The following PLEKHG4B variants were observed in gnomAD, a reference collection of about 807,000 sequenced individuals.
PLEKHG4B encodes the protein pleckstrin homology domain-containing family G member 4B.
In PLEKHG4B, 111 loss-of-function variants were observed where a neutral mutation model predicts 121.3. The ratio of observed to expected loss-of-function variants is 0.92; its 90% confidence interval spans 0.78 to 1.07. The LOEUF is 1.07. PLEKHG4B is among the 50% of genes least tolerant of loss of function. The pLI is 0.00. For synonymous variants in PLEKHG4B, 738 were observed against 725.0 expected (o/e 1.02, Z -0.29); for missense variants, 1,831 against 1,757.8 (o/e 1.04, Z -0.74).
Position 163,011 on chromosome 5 carries a change from C to T in PLEKHG4B, c.2939C>T (p.Ala980Val). 6.4e-7 allele frequency: 1 copy of T among 1,564,684 alleles called. No individual in the cohort carries two copies. Among genetic ancestry groups the T allele is most frequent in the Non-Finnish European group, 8.7e-7 (1 of 1,154,624 alleles). ...CAGAGCCCCCCAAAGCATGAGCGTG[C>T]CCAGGAGGCCATGAGGAGGCACCAG... ...LAQSPPKHER[A>V]QEAMRRHQKP... The change falls in exon 13 of 20, where the codon GCC becomes GTC. Residue 980 changes from alanine (A) to valine (V), a missense_variant. By Grantham distance (64) the Ala-to-Val change is moderately conservative. Coordinates refer to ENST00000637938, the MANE Select transcript of PLEKHG4B (RefSeq NM_052909.5).
At chr5:147,151 A>C (rs909344191) in intron 6 of PLEKHG4B, among the ~76,000 whole-genome samples, 1 of 152,210 alleles carries the variant, frequency 6.6e-6, no homozygotes, top group Non-Finnish European at 1.5e-5. Flanking sequence ...GGGAGGAGAG[A>C]GCACAGGCCG....
Position 139,965 on chromosome 5 carries a change from C to T in PLEKHG4B, c.726C>T (p.Ser242=), listed in dbSNP as rs1735102954. ...CAGCAGGCCCCCATTTCCAGGGAAG[C>T]GCCTCTTGCCCCGACACCCTGACCT... ...QATAGPHFQG[S]ASCPDTLTSP... Residue 242 remains serine (S), a synonymous_variant, in exon 3 of 20, where the codon AGC becomes AGT. Transcript: ENST00000637938. The surrounding 1 kb of genome is among the most constrained non-coding windows in gnomAD (Gnocchi z 5.0). The T allele has an allele frequency of 2.2e-5, 9 of 407,506 alleles. No individual in the cohort carries two copies. The highest frequency in any genetic ancestry group is 3.5e-5 in the Non-Finnish European group (8 of 231,300). 25.2% of individuals were successfully genotyped at this position (407,506 alleles called of 1,614,324 possible).
At chr5:110,094 G>A (rs1734095846) in intron 1 of PLEKHG4B, among the ~76,000 whole-genome samples, 2 of 128,368 alleles carry the variant, frequency 1.6e-5, no homozygotes, top group African/African-American at 6.1e-5. Flanking sequence ...GCACACACCT[G>A]TACAATCTGC....
intron 13 of PLEKHG4B, among the ~76,000 whole-genome samples, chr5:164,768 G>GA: frequency 8.0e-6 from 1 of 124,440 alleles, no homozygotes; most frequent in African/African-American, 3.3e-5. Context: ...CCTCTGACGG[G>GA]GCGGAGCTCA....
At chr5:168,390 A>AC (rs754883049) in intron 13 of PLEKHG4B, among the ~76,000 whole-genome samples, 46 of 152,192 alleles carry the variant, frequency 3.0e-4, no homozygotes, top group African/African-American at 1.1e-3. Flanking sequence ...GCCCCCGAGT[A>AC]CCCCTGAAGC....
chr5:161,271 C>G (rs1235931802), intron 11 of PLEKHG4B, among the ~76,000 whole-genome samples: 2 of 152,384 alleles, frequency 1.3e-5, no homozygotes, highest in South Asian at 2.1e-4. Context: ...CAAGCAGCCA[C>G]TGGCCTGAAG....
At chr5:148,358 T>A (rs247070) in intron 6 of PLEKHG4B, among the ~76,000 whole-genome samples, 107,747 of 140,548 alleles carry the variant, frequency 0.77, 41,330 homozygotes, top group South Asian at 0.85. Flanking sequence ...AAAAAAAAAA[T>A]AAATAAAAAT....
chr5:103,051 C>A (rs1393503147), intron 1 of PLEKHG4B, among the ~76,000 whole-genome samples: 1 of 152,208 alleles, frequency 6.6e-6, no homozygotes, highest in East Asian at 1.9e-4. Context: ...TCTGTTCCCT[C>A]CCTGGGCCCG....
At chr5:154,403 G>T (rs1735699437) in intron 7 of PLEKHG4B, among the ~76,000 whole-genome samples, 1 of 152,156 alleles carries the variant, frequency 6.6e-6, no homozygotes, top group African/African-American at 2.4e-5. Context: ...CACGCGGGCA[G>T]CGGCCCTGAG....
At chr5:168,276 G>GGGGCTGA (rs1736417970) in intron 13 of PLEKHG4B, among the ~76,000 whole-genome samples, 1 of 152,218 alleles carries the variant, frequency 6.6e-6, no homozygotes. Context: ...CCCCAGCCAA[G>GGGGCTGA]GGTGGGGCTG....
chr5:150,425 A>G (rs1451934964), intron 6 of PLEKHG4B, among the ~76,000 whole-genome samples: 1 of 152,184 alleles, frequency 6.6e-6, no homozygotes, highest in African/African-American at 2.4e-5. Context: ...TATGGAGACG[A>G]ATGGTGGTGG....
intron 2 of PLEKHG4B, among the ~76,000 whole-genome samples, chr5:115,539 C>A (rs1734279734): frequency 6.6e-6 from 1 of 152,144 alleles, no homozygotes; most frequent in Admixed American, 6.5e-5. Flanking sequence ...TAGGAAAGTC[C>A]CAGACAGCAT....
rs775949919 is a variant in PLEKHG4B at position 173,021 on chromosome 5, A to G, written c.4175A>G (p.Lys1392Arg). The change falls in exon 17 of 20, where the codon AAG becomes AGG. Residue 1392 changes from lysine to arginine, a missense_variant. Physicochemically the swap from Lys to Arg is conservative, Grantham distance 26. Coordinates refer to ENST00000637938, the MANE Select transcript of PLEKHG4B (RefSeq NM_052909.5). ...CTCATCCTGTTTAGCAAGACCCAGA[A>G]GGTGGAGGGCAGCCACGACGTCTAC... Reference protein sequence around the residue: ...EDLILFSKTQKVEGSHDVYLY... With the variant: ...EDLILFSKTQRVEGSHDVYLY... 6.2e-7 allele frequency: 1 copy of G among 1,613,996 alleles called. No homozygotes were observed. Among genetic ancestry groups the G allele is most frequent in the African/African-American group, 1.3e-5 (1 of 74,906 alleles).
chr5:167,183 G>C (rs559878094), intron 13 of PLEKHG4B, among the ~76,000 whole-genome samples: 49 of 152,310 alleles, frequency 3.2e-4, no homozygotes, highest in African/African-American at 1.2e-3. Context: ...GGAGGCTTTT[G>C]TGTGGGTCGT....
At position 155,098 on chromosome 5, in the gene PLEKHG4B, T is replaced by C. The variant is rs1735729416; in HGVS notation, c.2109+107T>C. On this transcript the variant is annotated intron_variant, in intron 8 of 19. Transcript: ENST00000637938. ...AAGGGCATCACCGTCCCTGATCTGA[T>C]GCTTGTTACAGTCGCCGTTCAGGTC... The C allele has an allele frequency of 3.9e-6, 4 of 1,018,066 alleles. No homozygotes were observed. In the East Asian group the frequency reaches 9.5e-5, roughly 24 times the overall value. The allele number at this position is 1,018,066 out of a possible 1,614,324, so 63.1% of individuals were successfully genotyped here.
At chr5:172,347 G>A (rs73016637) in intron 16 of PLEKHG4B, among the ~76,000 whole-genome samples, 18,640 of 152,206 alleles carry the variant, frequency 0.12, 2,369 homozygotes, top group African/African-American at 0.32. Context: ...AGCCTGGTGG[G>A]CACGGCGGCT....
rs144672468 is a variant in PLEKHG4B, at chr5:93,614, G to A, written c.45+1338G>A. On this transcript the variant is annotated intron_variant, in intron 1 of 19. Transcript: ENST00000637938. ...CACAGGCTTGACCCCGCAGGCAGCC[G>A]GTAGGCCAGGGTGTCAGGTCCCCTG... 5.8e-3 allele frequency among the ~76,000 whole-genome samples: 887 copies of A among 152,340 alleles called. 13 individuals carry two copies. The highest frequency in any genetic ancestry group is 0.02 in the African/African-American group (843 of 41,576).
At chr5:164,557 G>C (rs1235137025) in intron 13 of PLEKHG4B, among the ~76,000 whole-genome samples, 2 of 114,278 alleles carry the variant, frequency 1.8e-5, no homozygotes, top group Non-Finnish European at 3.5e-5. Flanking sequence ...ACACAGTAAT[G>C]CTCTGACAGG....
intron 19 of PLEKHG4B, 94 bp from the exon 20 acceptor site, chr5:181,910 G>C: frequency 7.0e-7 from 1 of 1,425,268 alleles, no homozygotes; most frequent in Non-Finnish European, 9.7e-7. Context: ...GGCAAAGCCT[G>C]GTCGGCCTTT....
Sources: allele counts gnomAD v4.1 joint callset (sites outside exome capture counted in the v4.1 genomes callset), GRCh38; gene constraint gnomAD v4.1.1; non-coding constraint Gnocchi (gnomAD v3.1); transcripts MANE v1.5; gene names NCBI Gene and HGNC (gene_info 2026-07-23, HGNC 2026-07-21).